Variants in TTBK2 observed in about 807,000 individuals in gnomAD.
TTBK2 encodes tau-tubulin kinase 2.
A neutral mutation model predicts 110.8 loss-of-function variants in TTBK2; 28 were observed. The ratio of observed to expected loss-of-function variants is 0.25; its 90% CI spans 0.19 to 0.35. TTBK2 has a LOEUF of 0.35. Among genes scored for constraint, TTBK2 ranks in the 10% least tolerant of loss-of-function variants. The pLI is 1.00. For synonymous variants in TTBK2, 532 were observed against 527.3 expected, an observed-to-expected ratio of 1.01 and a Z score of -0.12; for missense variants, 1,369 against 1,500.3, an observed-to-expected ratio of 0.91 and a Z score of 1.45.
At chr15:42,776,884 G>T in intron 12 of TTBK2, 147 bp downstream of exon 12, 1 of 723,530 alleles carries the variant, frequency 1.4e-6, no homozygotes, top group Non-Finnish European at 2.3e-6. Context: ...GAAAATTGGA[G>T]CTGAATAGAC....
At position 42,770,086 on chromosome 15, in the gene TTBK2, A is replaced by T. The variant is rs919094785; in HGVS notation, c.1998+5049T>A. Among the ~76,000 whole-genome samples, 17 of 127,498 alleles carry T rather than the reference A, an allele frequency of 1.3e-4. 1 individual carries two copies. In the East Asian group the frequency reaches 2.0e-3, roughly 15 times the overall value. The allele number at this position is 127,498 out of a possible 152,430, so 83.6% of individuals were successfully genotyped here. A position where few individuals can be genotyped will look rare whatever the true frequency, so the allele number is the denominator to read the frequency against. On this transcript the variant is annotated intron_variant, in intron 13 of 14. Coordinates refer to ENST00000267890, the MANE Select transcript of TTBK2 (RefSeq NM_173500.4). ...TTGGACACAGGGTGGGGAACATCACACACCAGGGCCTGTCGTGGGGTGGGG... is the reference window on the plus strand; with the variant it reads ...TTGGACACAGGGTGGGGAACATCACTCACCAGGGCCTGTCGTGGGGTGGGG...
At chr15:42,747,258 G>A (rs745565230) in intron 14 of TTBK2, among the ~76,000 whole-genome samples, 3 of 152,096 alleles carry the variant, frequency 2.0e-5, no homozygotes, top group Non-Finnish European at 2.9e-5. Context: ...ATGAACCGTA[G>A]TGCCCCGGCC....
intron 4 of TTBK2, among the ~76,000 whole-genome samples, chr15:42,837,156 T>C (rs1893016396): frequency 6.6e-6 from 1 of 151,812 alleles, no homozygotes; most frequent in Non-Finnish European, 1.5e-5. Flanking sequence ...GGTCAGGGGT[T>C]CAAGACCAGC....
intron 3 of TTBK2, among the ~76,000 whole-genome samples, chr15:42,867,414 T>C (rs1003860722): frequency 2.6e-5 from 4 of 151,302 alleles, no homozygotes; most frequent in Non-Finnish European, 4.4e-5. Flanking sequence ...ATAGAGAAAA[T>C]TCAAAATATT....
intron 10 of TTBK2, among the ~76,000 whole-genome samples, chr15:42,786,426 A>G (rs1310765080): frequency 2.0e-5 from 3 of 152,226 alleles, no homozygotes; most frequent in African/African-American, 7.2e-5. Flanking sequence ...GAGGAAAGAG[A>G]AAGGGAAATA....
chr15:42,901,519 T>C (rs1389047552), intron 1 of TTBK2, among the ~76,000 whole-genome samples: 5 of 151,708 alleles, frequency 3.3e-5, no homozygotes. Context: ...CAGTAGCATG[T>C]GCCTGTAGTC....
chr15:42,895,861 T>A, intron 1 of TTBK2, among the ~76,000 whole-genome samples: 1 of 151,782 alleles, frequency 6.6e-6, no homozygotes, highest in East Asian at 1.9e-4. Flanking sequence ...ATTACCACTA[T>A]CTAATCCCAG....
intron 6 of TTBK2, among the ~76,000 whole-genome samples, chr15:42,818,666 G>A (rs776529956): frequency 6.6e-6 from 1 of 152,104 alleles, no homozygotes; most frequent in Non-Finnish European, 1.5e-5. Context: ...CTTAAAGTGA[G>A]CGGAGATCGC....
intron 1 of TTBK2, among the ~76,000 whole-genome samples, chr15:42,906,879 T>C (rs2030430186): frequency 6.6e-6 from 1 of 151,556 alleles, no homozygotes; most frequent in Admixed American, 6.6e-5. Flanking sequence ...TGAATGGACA[T>C]TTCTCAAAAA....
intron 6 of TTBK2, among the ~76,000 whole-genome samples, chr15:42,823,209 A>G (rs914871570): frequency 1.3e-5 from 2 of 152,376 alleles, no homozygotes; most frequent in Admixed American, 6.5e-5. Context: ...GAGCTTAGAC[A>G]CAAAGGGCCA....
At chr15:42,822,941 G>C (rs1892366816) in intron 6 of TTBK2, among the ~76,000 whole-genome samples, 1 of 152,168 alleles carries the variant, frequency 6.6e-6, no homozygotes. Context: ...CAAGAAAGAA[G>C]AGAATGACTC....
At chr15:42,792,394 A>G (rs1890729195) in intron 10 of TTBK2, among the ~76,000 whole-genome samples, 1 of 151,974 alleles carries the variant, frequency 6.6e-6, no homozygotes. Flanking sequence ...TCCTGACTGG[A>G]CCCAAATTGA....
intron 3 of TTBK2, among the ~76,000 whole-genome samples, chr15:42,865,465 A>G (rs530347009): frequency 2.3e-4 from 35 of 151,892 alleles, no homozygotes; most frequent in African/African-American, 8.2e-4. Context: ...ATCTAAAAAC[A>G]AAAACTACAA....
At chr15:42,774,041 C>G (rs1359326394) in intron 13 of TTBK2, among the ~76,000 whole-genome samples, 1 of 152,210 alleles carries the variant, frequency 6.6e-6, no homozygotes, top group Non-Finnish European at 1.5e-5. Context: ...GACCTGCTAA[C>G]TAACTCTGGT....
At chr15:42,786,239 A>C (rs749055870) in intron 10 of TTBK2, among the ~76,000 whole-genome samples, 1 of 152,246 alleles carries the variant, frequency 6.6e-6, no homozygotes, top group South Asian at 2.1e-4. Flanking sequence ...AGTTCAAATC[A>C]ATAGTTCAGA....
At chr15:42,878,816 A>G in intron 1 of TTBK2, 132 bp from the exon 2 acceptor site, 1 of 1,181,696 alleles carries the variant, frequency 8.5e-7, no homozygotes, top group Non-Finnish European at 1.2e-6. Context: ...GAAGGGGAAA[A>G]AGACCTAGAA....
At chr15:42,839,002 T>C (rs1455061674) in intron 4 of TTBK2, among the ~76,000 whole-genome samples, 1 of 152,136 alleles carries the variant, frequency 6.6e-6, no homozygotes, top group East Asian at 1.9e-4. Flanking sequence ...CATGGGCAAA[T>C]TGTGTGTTGC....
At chr15:42,824,219 A>G (rs984935346) in intron 6 of TTBK2, among the ~76,000 whole-genome samples, 5 of 152,266 alleles carry the variant, frequency 3.3e-5, no homozygotes, top group African/African-American at 4.8e-5. Flanking sequence ...ATCAAATTTC[A>G]ACATCAGATT....
At chr15:42,837,128 G>A (rs181296111) in intron 4 of TTBK2, among the ~76,000 whole-genome samples, 36 of 152,228 alleles carry the variant, frequency 2.4e-4, no homozygotes, top group African/African-American at 8.4e-4. Context: ...GGGAGACCGA[G>A]GTGGGCAGAT....
Sources: allele counts gnomAD v4.1 joint callset (sites outside exome capture counted in the v4.1 genomes callset), GRCh38; gene constraint gnomAD v4.1.1; transcripts MANE v1.5; gene names NCBI Gene and HGNC (gene_info 2026-07-23, HGNC 2026-07-21).